Variants in WRN observed in about 807,000 individuals in gnomAD.
The protein encoded by WRN is bifunctional 3'-5' exonuclease/ATP-dependent helicase WRN.
WRN carries 149 observed loss-of-function variants against 180.7 expected under a neutral mutation model. The ratio of observed to expected loss-of-function variants is 0.82; its 90% CI spans 0.72 to 0.94. WRN has a LOEUF of 0.94. Among genes scored for constraint, WRN ranks in the 40% least tolerant of loss-of-function variants. The pLI is 0.00. For missense variants in WRN, 1,661 were observed against 1,700.1 expected (o/e 0.98, Z 0.40); for synonymous variants, 548 against 568.9 (o/e 0.96, Z 0.52).
chr8:31,173,044 G>C lies in WRN; in HGVS notation c.4241G>C (p.Gly1414Ala). The C allele has an allele frequency of 6.2e-7, 1 of 1,613,982 alleles. No individual in the cohort carries two copies. The highest frequency in any genetic ancestry group is 8.5e-7 in the Non-Finnish European group (1 of 1,179,952). Residue 1414 changes from glycine (G) to alanine (A), a missense_variant, in exon 35 of 35, where the codon GGA (glycine) becomes GCA (alanine). By Grantham distance (60) the Gly-to-Ala change is moderately conservative. This residue lies in a region of WRN where 1,141 missense variants were observed against 1,149.4 expected (regional missense o/e 0.99). Coordinates refer to ENST00000298139, the MANE Select transcript of WRN (RefSeq NM_000553.6). ...CGATTACCTGTGTGGTTTGCCAAAG[G>C]AAGTGATACCAGCAAGAAATTAATG... ...KRRLPVWFAKGSDTSKKLMDK... is the reference protein window; with the variant it reads ...KRRLPVWFAKASDTSKKLMDK...
chr8:31,035,398 T>A (rs1811413870), intron 1 of WRN, among the ~76,000 whole-genome samples: 1 of 152,084 alleles, frequency 6.6e-6, no homozygotes, highest in South Asian at 2.1e-4. Flanking sequence ...GAACTTACCT[T>A]GACGTTCTCT....
At chr8:31,125,508 C>T (rs1389171127) in intron 23 of WRN, among the ~76,000 whole-genome samples, 1 of 114,902 alleles carries the variant, frequency 8.7e-6, no homozygotes, top group Admixed American at 1.1e-4. Flanking sequence ...CAGGGTTCAC[C>T]AGAGAAATAG....
chr8:31,160,750 C>T (rs569287040), intron 33 of WRN, among the ~76,000 whole-genome samples: 114 of 152,010 alleles, frequency 7.5e-4, no homozygotes, highest in Middle Eastern at 6.8e-3. Flanking sequence ...TTTGGGAGGC[C>T]GAGGCGGGCA....
Position 31,175,978 on chromosome 8 carries a change from G to A in WRN, c.*2876G>A, listed in dbSNP as rs922003318. ...TAACCCATATTAATAAAAGCTCTTT[G>A]GGGTCCTCAGTGATTTTTTTTTAAG... On this transcript the variant is annotated 3_prime_UTR_variant, in exon 35 of 35. Transcript: ENST00000298139. Among the ~76,000 whole-genome samples the A allele has an allele frequency of 6.6e-6, 1 of 151,730 alleles. No homozygotes were observed. The highest frequency in any genetic ancestry group is 2.4e-5 in the African/African-American group (1 of 41,068).
intron 23 of WRN, among the ~76,000 whole-genome samples, chr8:31,128,471 C>T (rs1802013350): frequency 6.6e-6 from 1 of 152,128 alleles, no homozygotes. Context: ...GAGTGATTAA[C>T]CTTTCAGCAC....
intron 31 of WRN, 110 bp from the exon 32 acceptor site, chr8:31,154,514 C>A: frequency 7.8e-7 from 1 of 1,287,422 alleles, no homozygotes; most frequent in Non-Finnish European, 1.1e-6. Context: ...TTATTTGTTG[C>A]TTATGGGTTT....
chr8:31,086,501 TG>T lies in WRN; in HGVS notation c.1431+1259del, dbSNP rs1005172966. The stretch of plus-strand genomic sequence containing the variant: ...AGGTGGGAGGATCACCTGGGGAGCC[TG>T]GGGAGGTTGAGGCTGCAGTTAGCCA... On this transcript the variant is annotated intron_variant, in intron 11 of 34. Transcript: ENST00000298139. 4.0e-5 allele frequency among the ~76,000 whole-genome samples: 6 copies of T among 151,774 alleles called. 1 individual carries two copies. The highest frequency in any genetic ancestry group is 1.4e-4 in the African/African-American group (6 of 41,394).
At position 31,140,014 on chromosome 8, in the gene WRN, T is replaced by TTTG. The variant is rs1336583045; in HGVS notation, c.2968-1414_2968-1413insGTT. Among the ~76,000 whole-genome samples, 298 of 119,532 alleles carry TTTG rather than the reference T, an allele frequency of 2.5e-3. 7 individuals are homozygous for TTTG. The highest frequency in any genetic ancestry group is 0.01 in the Admixed American group (114 of 11,262). The allele number at this position is 119,532 out of a possible 152,430, so 78.4% of individuals were successfully genotyped here. ...TTGTATACTTCTTTGTTTTTTTTTT[T>TTTG]TTTTTTTTTTTTTTTTTTTGAGACA... is the stretch of plus-strand genomic sequence containing the variant. On this transcript the variant is annotated intron_variant, in intron 24 of 34. Coordinates refer to ENST00000298139, the MANE Select transcript of WRN (RefSeq NM_000553.6).
At chr8:31,090,010 C>T (rs900579894) in intron 13 of WRN, among the ~76,000 whole-genome samples, 2 of 151,680 alleles carry the variant, frequency 1.3e-5, no homozygotes, top group Admixed American at 6.6e-5. Context: ...AAAATTTGCA[C>T]GTAAGGAAAT....
At chr8:31,111,024 C>T (rs1180726909) in intron 18 of WRN, among the ~76,000 whole-genome samples, 3 of 152,072 alleles carry the variant, frequency 2.0e-5, no homozygotes, top group Non-Finnish European at 2.9e-5. Context: ...ATTAATAATA[C>T]GTTTCATTTA....
chr8:31,167,931 A>G (rs1056286701), intron 34 of WRN, among the ~76,000 whole-genome samples: 3 of 152,098 alleles, frequency 2.0e-5, no homozygotes, highest in Non-Finnish European at 4.4e-5. Flanking sequence ...TATTTTGGAA[A>G]TGATTAACTA....
intron 30 of WRN, among the ~76,000 whole-genome samples, chr8:31,147,884 ATT>A (rs367782924): frequency 1.6e-4 from 20 of 126,838 alleles, no homozygotes; most frequent in South Asian, 2.5e-4. Flanking sequence ...CTTCTTCTTC[ATT>A]TTTTTTTTTT....
intron 23 of WRN, 33 bp downstream of exon 23, chr8:31,125,033 A>G: frequency 6.3e-7 from 1 of 1,583,034 alleles, no homozygotes; most frequent in South Asian, 1.1e-5. Context: ...GGACATTCTA[A>G]AAGTCTTTCT....
At chr8:31,130,172 A>C (rs1052872242) in intron 23 of WRN, among the ~76,000 whole-genome samples, 1 of 29,144 alleles carries the variant, frequency 3.4e-5, no homozygotes, top group African/African-American at 9.2e-5. Flanking sequence ...AATTTTAATA[A>C]CAACAACAAA....
chr8:31,170,807 T>C (rs73670482), intron 34 of WRN, among the ~76,000 whole-genome samples: 4,060 of 152,236 alleles, frequency 0.027, 183 homozygotes, highest in African/African-American at 0.089. Flanking sequence ...CAAATACTTA[T>C]TGTTGACACT....
At chr8:31,045,356 A>G (rs1351085887) in intron 1 of WRN, among the ~76,000 whole-genome samples, 3 of 151,848 alleles carry the variant, frequency 2.0e-5, no homozygotes, top group Non-Finnish European at 4.4e-5. Context: ...GGGATTAGAC[A>G]TGCTATGTCT....
chr8:31,169,824 G>C (rs963314879), intron 34 of WRN, among the ~76,000 whole-genome samples: 1 of 152,066 alleles, frequency 6.6e-6, no homozygotes, highest in African/African-American at 2.4e-5. Context: ...GGTTTCTCCT[G>C]AATGTGGAGC....
chr8:31,099,582 GTCTT>G (rs767841862), intron 17 of WRN, among the ~76,000 whole-genome samples: 2 of 90,440 alleles, frequency 2.2e-5, no homozygotes, highest in Non-Finnish European at 4.6e-5. Flanking sequence ...TTTTTTTTTT[GTCTT>G]TCTTCTCCAC....
intron 9 of WRN, among the ~76,000 whole-genome samples, chr8:31,083,082 A>G (rs1226216825): frequency 6.6e-6 from 1 of 151,344 alleles, no homozygotes; most frequent in Non-Finnish European, 1.5e-5. Context: ...TTTTCTTTCT[A>G]TGGATTTTTG....
Sources: gnomAD v4.1 joint callset for allele counts (sites outside exome capture counted in the v4.1 genomes callset) on GRCh38, gnomAD v4.1.1 for gene constraint, gnomAD v4.1.1 regional missense constraint, MANE v1.5 for transcripts, NCBI Gene and HGNC (gene_info 2026-07-23, HGNC 2026-07-21) for gene names.